The following ADD3 variants were observed in gnomAD, a reference collection of about 807,000 sequenced individuals.
ADD3 encodes adducin 3.
In ADD3, 25 loss-of-function variants were observed where a neutral mutation model predicts 80.2. The observed-to-expected ratio is 0.31, with a 90% CI of 0.23 to 0.44. ADD3 has a LOEUF of 0.44. ADD3 is among the 20% of genes least tolerant of loss of function. ADD3 has a pLI of 1.00. For missense variants in ADD3, 829 were observed against 847.5 expected, an observed-to-expected ratio of 0.98 and a Z score of 0.27; for synonymous variants, 284 against 289.6, an observed-to-expected ratio of 0.98 and a Z score of 0.20.
chr10:110,115,399 C>A (rs900902338), intron 3 of ADD3, among the ~76,000 whole-genome samples: 3 of 150,326 alleles, frequency 2.0e-5, no homozygotes, highest in Admixed American at 6.6e-5. Flanking sequence ...CAAAAAAAAA[C>A]AAAACAAGCA....
In ADD3 at chr10:110,054,614, C is replaced by CTTT. The variant is rs1217850834; in HGVS notation, c.-29-45996_-29-45994dup. Among the ~76,000 whole-genome samples, 110 of 121,048 alleles carry CTTT rather than the reference C, an allele frequency of 9.1e-4. 1 individual carries two copies. The highest frequency in any genetic ancestry group is 3.0e-3 in the African/African-American group (100 of 33,426). The allele number at this position is 121,048 out of a possible 152,430, so 79.4% of individuals were successfully genotyped here. On this transcript the variant is annotated intron_variant, in intron 1 of 14. Transcript: ENST00000356080. ...CGCACCACCATGCCTGGCAAAATTT[C>CTTT]TTTTTTTTTTTTTTTTTAGACGGAG... is the stretch of plus-strand genomic sequence containing the variant.
intron 3 of ADD3, among the ~76,000 whole-genome samples, chr10:110,115,330 A>G (rs1850588211): frequency 6.6e-6 from 1 of 152,186 alleles, no homozygotes; most frequent in Non-Finnish European, 1.5e-5. Context: ...TGGATGTTGC[A>G]GTGAGCCGAG....
At chr10:110,066,087 A>G (rs1023967561) in intron 1 of ADD3, among the ~76,000 whole-genome samples, 2 of 152,120 alleles carry the variant, frequency 1.3e-5, no homozygotes, top group Non-Finnish European at 2.9e-5. Context: ...CATGAAGACC[A>G]CTTCATGTTT....
chr10:110,104,365 AAGGT>A (rs1166020332), intron 2 of ADD3, among the ~76,000 whole-genome samples: 1 of 152,172 alleles, frequency 6.6e-6, no homozygotes, highest in African/African-American at 2.4e-5. Context: ...TTTTTCTTGA[AAGGT>A]AGCCTGTGTT....
At chr10:110,056,783 C>T (rs573519287) in intron 1 of ADD3, among the ~76,000 whole-genome samples, 89 of 152,242 alleles carry the variant, frequency 5.8e-4, no homozygotes, top group African/African-American at 1.8e-3. Context: ...ATCTCTATAG[C>T]GAGTAAAACT....
chr10:110,056,007 A>G lies in ADD3; in HGVS notation c.-29-44618A>G, dbSNP rs12250627. ...TTTGGCCTAGCTAAATGTGCAGACT[A>G]TATAATCCCTTTGGTAGCATATGTA... On this transcript the variant is annotated intron_variant, in intron 1 of 14. Coordinates refer to ENST00000356080, the MANE Select transcript of ADD3 (RefSeq NM_016824.5). 4.2e-3 allele frequency among the ~76,000 whole-genome samples: 643 copies of G among 152,348 alleles called. 8 individuals carry two copies. The highest frequency in any genetic ancestry group is 0.014 in the African/African-American group (573 of 41,576).
chr10:110,012,180 T>C (rs1473740085), intron 1 of ADD3, among the ~76,000 whole-genome samples: 2 of 152,234 alleles, frequency 1.3e-5, no homozygotes, highest in Non-Finnish European at 2.9e-5. Flanking sequence ...TAATGTAATA[T>C]TTATTGAGTA....
chr10:110,046,321 A>G (rs1856901960), intron 1 of ADD3, among the ~76,000 whole-genome samples: 1 of 152,056 alleles, frequency 6.6e-6, no homozygotes, highest in Admixed American at 6.6e-5. Context: ...AGTAATATGT[A>G]TATATATAAC....
rs1005565553 is a variant in ADD3 at position 110,086,648 on chromosome 10, C to T, written c.-29-13977C>T. Among the ~76,000 whole-genome samples, 11 of 152,172 alleles carry T rather than the reference C, an allele frequency of 7.2e-5. No homozygotes were observed. The East Asian group carries it at 2.1e-3, about 29-fold the overall frequency. On this transcript the variant is annotated intron_variant, in intron 1 of 14. Transcript: ENST00000356080. ...GCACTTCCTCCTTCGCTCGCTTGCTCTCCTGCCACCATGCAAAGATGTGCT... is the reference window on the plus strand; with the variant it reads ...GCACTTCCTCCTTCGCTCGCTTGCTTTCCTGCCACCATGCAAAGATGTGCT...
At chr10:110,090,168 G>A (rs1847304682) in intron 1 of ADD3, among the ~76,000 whole-genome samples, 1 of 149,706 alleles carries the variant, frequency 6.7e-6, no homozygotes, top group African/African-American at 2.5e-5. Context: ...TTTAGTCTTT[G>A]AATCACCCTG....
rs1216380136 is a variant in ADD3 at position 110,029,395 on chromosome 10, T to C, written c.-30+21096T>C. Among the ~76,000 whole-genome samples the C allele has an allele frequency of 3.3e-5, 5 of 152,276 alleles. 1 individual carries two copies. Among genetic ancestry groups the C allele is most frequent in the Non-Finnish European group, 7.3e-5 (5 of 68,056 alleles). On this transcript the variant is annotated intron_variant, in intron 1 of 14. Coordinates refer to ENST00000356080, the MANE Select transcript of ADD3 (RefSeq NM_016824.5). ...TTATAATGCAAATGGCATATTGTTC[T>C]TCTTCCGGCATTAACATTAATTTGT...
chr10:110,025,363 G>A (rs554980446), intron 1 of ADD3, among the ~76,000 whole-genome samples: 17 of 151,586 alleles, frequency 1.1e-4, no homozygotes, highest in African/African-American at 4.9e-5. Context: ...ATTTTAGTTC[G>A]ATATTTGTGG....
At chr10:110,009,323 A>G (rs1445877095) in intron 1 of ADD3, among the ~76,000 whole-genome samples, 1 of 152,176 alleles carries the variant, frequency 6.6e-6, no homozygotes, top group Non-Finnish European at 1.5e-5. Context: ...TTTTAGATTT[A>G]GCAGTATTAA....
chr10:110,044,593 A>G (rs962303700), intron 1 of ADD3, among the ~76,000 whole-genome samples: 2 of 152,248 alleles, frequency 1.3e-5, no homozygotes, highest in African/African-American at 4.8e-5. Flanking sequence ...AGTAACACCA[A>G]TGAAATTTTT....
chr10:110,106,954 G>C (rs1472742030), intron 2 of ADD3, among the ~76,000 whole-genome samples: 1 of 152,110 alleles, frequency 6.6e-6, no homozygotes, highest in Non-Finnish European at 1.5e-5. Context: ...GTAATAGACT[G>C]ATAAGACTGT....
rs117401130 is a variant in ADD3, at chr10:110,114,768, G to A, written c.335-1491G>A. Reference sequence around the variant, plus strand: ...ACCCTTTTAATTTTCATGTTATTGCGTTGTAGGCACTTGGAAATAGCAGGC... The same window carrying A: ...ACCCTTTTAATTTTCATGTTATTGCATTGTAGGCACTTGGAAATAGCAGGC... On this transcript the variant is annotated intron_variant, in intron 3 of 14. Coordinates refer to ENST00000356080, the MANE Select transcript of ADD3 (RefSeq NM_016824.5). 3.8e-3 allele frequency among the ~76,000 whole-genome samples: 585 copies of A among 152,214 alleles called. 3 individuals are homozygous for A. Among genetic ancestry groups the A allele is most frequent in the Non-Finnish European group, 5.8e-3 (394 of 67,998 alleles).
At chr10:110,127,328 T>C (rs1208319235) in intron 12 of ADD3, among the ~76,000 whole-genome samples, 4 of 152,164 alleles carry the variant, frequency 2.6e-5, no homozygotes, top group African/African-American at 9.6e-5. Context: ...AAAAGAATTA[T>C]AAAGTCCCGG....
chr10:110,056,378 A>G (rs1026024827), intron 1 of ADD3, among the ~76,000 whole-genome samples: 1 of 152,258 alleles, frequency 6.6e-6, no homozygotes, highest in African/African-American at 2.4e-5. Context: ...TAAACATAAT[A>G]TTTACAAAAG....
intron 1 of ADD3, among the ~76,000 whole-genome samples, chr10:110,052,394 T>G (rs1289608196): frequency 6.6e-6 from 1 of 152,188 alleles, no homozygotes; most frequent in Non-Finnish European, 1.5e-5. Flanking sequence ...CATAACCACC[T>G]GAGCTCCACT....
Sources: allele counts gnomAD v4.1 joint callset (sites outside exome capture counted in the v4.1 genomes callset), GRCh38; gene constraint gnomAD v4.1.1; transcripts MANE v1.5; gene names NCBI Gene and HGNC (gene_info 2026-07-23, HGNC 2026-07-21).